Variants in RNASE10 observed in about 807,000 individuals in gnomAD.
The protein encoded by RNASE10 is ribonuclease A family member 10 (inactive).
A neutral mutation model predicts 1.1 loss-of-function variants in RNASE10; 2 were observed. The observed-to-expected ratio is 1.82, with a 90% CI of 0.74 to 5.73. The LOEUF (loss-of-function observed/expected upper bound fraction) is 5.73. Ranked by LOEUF, RNASE10 falls within the 30% of genes most tolerant of loss-of-function variation. RNASE10 has a pLI of 0.05. For synonymous variants in RNASE10, 97 were observed against 96.2 expected (o/e 1.01, Z -0.05); for missense variants, 276 against 263.4 (o/e 1.05, Z -0.33).
At chr14:20,504,492 T>G (rs527799138), upstream of RNASE10, among the ~76,000 whole-genome samples, 3 of 151,600 alleles carry the variant, frequency 2.0e-5, no homozygotes, top group South Asian at 2.1e-4. Context: ...TCGAGACCAT[T>G]CTGGCTAACA....
rs752180504 is a variant in RNASE10, at chr14:20,511,112, C to G, written c.725C>G (p.Thr242Ser). ...AATGACATGAAGCGCCAGTTACCAACTGGACAATGAAGCAACTCATCATCT... is the reference window on the plus strand; with the variant it reads ...AATGACATGAAGCGCCAGTTACCAAGTGGACAATGAAGCAACTCATCATCT... Residue 242 changes from threonine (T) to serine (S), a missense_variant, in exon 2 of 2, where the codon ACT becomes AGT. Transcript: ENST00000430083. The G allele has an allele frequency of 6.4e-5, 96 of 1,492,392 alleles. No individual in the cohort carries two copies. The highest frequency in any genetic ancestry group is 8.3e-5 in the Non-Finnish European group (93 of 1,121,050). 92.4% of individuals were successfully genotyped at this position (1,492,392 alleles called of 1,614,324 possible).
At chr14:20,506,329 C>G (rs1361690025) in intron 1 of RNASE10, among the ~76,000 whole-genome samples, 2 of 126,016 alleles carry the variant, frequency 1.6e-5, no homozygotes, top group African/African-American at 6.2e-5. Flanking sequence ...GTCAGCCCCC[C>G]GCCCGGCCAG....
At chr14:20,506,703 G>A (rs1189205300) in intron 1 of RNASE10, among the ~76,000 whole-genome samples, 62 of 107,214 alleles carry the variant, frequency 5.8e-4, no homozygotes, top group African/African-American at 1.3e-3. Flanking sequence ...CGCCCCGTCC[G>A]GGAGGGAGGT....
intron 1 of RNASE10, among the ~76,000 whole-genome samples, chr14:20,506,861 G>A (rs1214881371): frequency 8.0e-6 from 1 of 125,334 alleles, no homozygotes; most frequent in Admixed American, 7.6e-5. Context: ...GGGAGGTGAG[G>A]GGCGCCTCTG....
downstream of RNASE10, among the ~76,000 whole-genome samples, chr14:20,513,586 G>T (rs1882947587): frequency 6.6e-6 from 1 of 152,124 alleles, no homozygotes; most frequent in South Asian, 2.1e-4. Context: ...AACTCATTTA[G>T]ATATGACACC....
At chr14:20,505,631 G>A (rs1882683078) in exon 1 of RNASE10, 1 of 89,754 alleles carries the variant, frequency 1.1e-5, no homozygotes, top group African/African-American at 8.6e-5. Flanking sequence ...TGGTGCCCAG[G>A]CTGGAGTGCA....
At chr14:20,510,875 T>C (rs776005577) in exon 2 of RNASE10, 5 of 1,614,178 alleles carry the variant, frequency 3.1e-6, no homozygotes, top group Admixed American at 1.7e-5. Context: ...CAGAGTTGCA[T>C]AGCCCAGTAT....
chr14:20,512,019 G>C (rs183739574), downstream of RNASE10, among the ~76,000 whole-genome samples: 1,435 of 152,140 alleles, frequency 9.4e-3, 15 homozygotes, highest in Non-Finnish European at 0.016. Flanking sequence ...GGGAGTTAGA[G>C]GGGGGTGGGT....
chr14:20,506,770 G>A (rs1882741378), intron 1 of RNASE10, among the ~76,000 whole-genome samples: 11 of 120,476 alleles, frequency 9.1e-5, no homozygotes, highest in African/African-American at 3.0e-4. Context: ...GGTGGGGGGG[G>A]TCAGCCCCCC....
At chr14:20,504,314 G>A (rs1162419489), upstream of RNASE10, among the ~76,000 whole-genome samples, 1 of 152,172 alleles carries the variant, frequency 6.6e-6, no homozygotes, top group African/African-American at 2.4e-5. Context: ...GGGAACGAGA[G>A]GACACAAGAA....
At chr14:20,505,329 C>T (rs1594438819), upstream of RNASE10, among the ~76,000 whole-genome samples, 3 of 37,352 alleles carry the variant, frequency 8.0e-5, no homozygotes, top group Non-Finnish European at 1.2e-4. Flanking sequence ...CCTCTCCCTC[C>T]ACGGTCTCCT....
At chr14:20,510,371 A>G (rs1171840342) in intron 1 of RNASE10, 96 bp from the exon 2 acceptor site, 1 of 1,507,844 alleles carries the variant, frequency 6.6e-7, no homozygotes, top group Admixed American at 2.2e-5. Flanking sequence ...AGGAGACCCC[A>G]GATACAATGC....
rs149678037 is a variant in RNASE10 at position 20,508,564 on chromosome 14, C to T, written c.80-1903C>T. Reference sequence around the variant, plus strand: ...AACCCTTATTTTACCTAGTAATAGCCGCAAAGTGCAAGAATGATGATGCTG... The same window carrying T: ...AACCCTTATTTTACCTAGTAATAGCTGCAAAGTGCAAGAATGATGATGCTG... On this transcript the variant is annotated intron_variant, in intron 1 of 1. Transcript: ENST00000430083. Among the ~76,000 whole-genome samples, 699 of 152,118 alleles carry T rather than the reference C, an allele frequency of 4.6e-3. 6 individuals are homozygous for T. The highest frequency in any genetic ancestry group is 5.2e-3 in the Admixed American group (80 of 15,270).
chr14:20,513,575 A>G (rs1882947297), downstream of RNASE10, among the ~76,000 whole-genome samples: 1 of 152,224 alleles, frequency 6.6e-6, no homozygotes, highest in Non-Finnish European at 1.5e-5. Context: ...AGTGGCCCCA[A>G]AACTCATTTA....
At chr14:20,513,031 G>C (rs980118090), downstream of RNASE10, among the ~76,000 whole-genome samples, 4 of 152,170 alleles carry the variant, frequency 2.6e-5, no homozygotes, top group Admixed American at 1.3e-4. Flanking sequence ...GAATTATTAA[G>C]AGAATGGAAT....
chr14:20,510,722 C>A, exon 2 of RNASE10: 1 of 1,614,196 alleles, frequency 6.2e-7, no homozygotes, highest in Non-Finnish European at 8.5e-7. Flanking sequence ...CCAGAAGATC[C>A]CATCCTCGGT....
At chr14:20,506,864 C>T (rs1594439933) in intron 1 of RNASE10, among the ~76,000 whole-genome samples, 5 of 119,966 alleles carry the variant, frequency 4.2e-5, no homozygotes, top group Admixed American at 3.1e-4. Context: ...AGGTGAGGGG[C>T]GCCTCTGCCC....
chr14:20,506,756 GGGA>G (rs1284351037), intron 1 of RNASE10, among the ~76,000 whole-genome samples: 12 of 131,132 alleles, frequency 9.2e-5, no homozygotes, highest in African/African-American at 3.5e-4. Context: ...CCGTCCGGGA[GGGA>G]GGTGGGGGGG....
intron 1 of RNASE10, among the ~76,000 whole-genome samples, chr14:20,506,684 C>T (rs1882734317): frequency 8.0e-6 from 1 of 124,680 alleles, no homozygotes; most frequent in Non-Finnish European, 1.7e-5. Context: ...AGCCCCCCGC[C>T]CGGCCAGCCG....
Sources: allele counts gnomAD v4.1 joint callset (sites outside exome capture counted in the v4.1 genomes callset), GRCh38; gene constraint gnomAD v4.1.1; transcripts MANE v1.5; gene names NCBI Gene and HGNC (gene_info 2026-07-23, HGNC 2026-07-21).